The following CHCHD3 variants were observed in gnomAD, a reference collection of about 807,000 sequenced individuals.
The protein encoded by CHCHD3 is MICOS complex subunit MIC19.
Under a neutral mutation model 38.2 loss-of-function variants are expected in CHCHD3, and 20 were observed. That is an observed-to-expected ratio of 0.52 (90% confidence interval 0.37 to 0.76). The LOEUF is 0.76. Ranked by LOEUF, CHCHD3 falls within the 30% of genes least tolerant of loss-of-function variation. CHCHD3 has a pLI of 0.00. For missense variants in CHCHD3, 245 were observed against 279.2 expected, an observed-to-expected ratio of 0.88 and a Z score of 0.87; for synonymous variants, 82 against 100.0, an observed-to-expected ratio of 0.82 and a Z score of 1.07.
rs370231225 is a variant in CHCHD3 at position 132,844,317 on chromosome 7, GAGAA to G, written c.454-5852_454-5849del. Among the ~76,000 whole-genome samples, 895 of 152,246 alleles carry G rather than the reference GAGAA, an allele frequency of 5.9e-3. 8 individuals carry two copies. The highest frequency in any genetic ancestry group is 0.02 in the African/African-American group (845 of 41,542). ...GTCTCAAAAAAAACAAAAAAATGTGGAGAAAGAAAGATGTCCATGATCTTACAAG... is the reference window on the plus strand; with the variant it reads ...GTCTCAAAAAAAACAAAAAAATGTGGAGAAAGATGTCCATGATCTTACAAG... On this transcript the variant is annotated intron_variant, in intron 5 of 7. Coordinates refer to ENST00000262570, the MANE Select transcript of CHCHD3 (RefSeq NM_017812.4).
At chr7:132,963,360 T>A (rs571117970) in intron 4 of CHCHD3, among the ~76,000 whole-genome samples, 38 of 133,810 alleles carry the variant, frequency 2.8e-4, no homozygotes, top group African/African-American at 1.1e-3. Flanking sequence ...TGCCAGGCAC[T>A]GTGGCTCACG....
intron 6 of CHCHD3, among the ~76,000 whole-genome samples, chr7:132,811,299 G>C (rs1425072560): frequency 6.6e-6 from 1 of 152,192 alleles, no homozygotes; most frequent in Non-Finnish European, 1.5e-5. Context: ...CTCTAGAACA[G>C]TGCTATCCAA....
At chr7:132,973,120 C>G (rs1811652861) in intron 4 of CHCHD3, 1 of 985,014 alleles carries the variant, frequency 1.0e-6, no homozygotes, top group Non-Finnish European at 1.2e-6. Context: ...TCTTGCTGGT[C>G]TCCATAAACT....
chr7:132,798,851 T>C (rs755650620), intron 6 of CHCHD3, among the ~76,000 whole-genome samples: 1 of 152,164 alleles, frequency 6.6e-6, no homozygotes, highest in Non-Finnish European at 1.5e-5. Context: ...GTAGTTTAAG[T>C]TGTAGATAAG....
At chr7:132,992,030 G>A (rs969943494) in intron 3 of CHCHD3, among the ~76,000 whole-genome samples, 1 of 152,104 alleles carries the variant, frequency 6.6e-6, no homozygotes, top group African/African-American at 2.4e-5. Flanking sequence ...GGAGCTGGCG[G>A]GGAAGGCAAG....
chr7:132,786,711 C>T (rs1018094620), intron 7 of CHCHD3, among the ~76,000 whole-genome samples: 4 of 152,116 alleles, frequency 2.6e-5, no homozygotes, highest in Non-Finnish European at 2.9e-5. Context: ...CTACCAGGTA[C>T]CACTGCACTC....
chr7:132,980,567 G>T (rs1811891930), intron 3 of CHCHD3, among the ~76,000 whole-genome samples: 1 of 152,076 alleles, frequency 6.6e-6, no homozygotes, highest in African/African-American at 2.4e-5. Context: ...TAAGTAATTG[G>T]ATAGCTTGCC....
chr7:132,928,007 C>G (rs1415139925), intron 4 of CHCHD3, among the ~76,000 whole-genome samples: 1 of 152,086 alleles, frequency 6.6e-6, no homozygotes, highest in African/African-American at 2.4e-5. Context: ...CTTCTCTCAT[C>G]GAGGCACAGA....
intron 5 of CHCHD3, among the ~76,000 whole-genome samples, chr7:132,873,164 G>T (rs1448910857): frequency 6.6e-6 from 1 of 152,058 alleles, no homozygotes; most frequent in Non-Finnish European, 1.5e-5. Flanking sequence ...GACTGAAAGT[G>T]AAAATTTAAT....
At position 132,785,581 on chromosome 7, in the gene CHCHD3, A is replaced by T; in HGVS notation, c.*56T>A. 1 of 1,590,376 alleles carries T rather than the reference A, an allele frequency of 6.3e-7. No individual in the cohort carries two copies. Among genetic ancestry groups the T allele is most frequent in the Non-Finnish European group, 8.6e-7 (1 of 1,159,222 alleles). On this transcript the variant is annotated 3_prime_UTR_variant, in exon 8 of 8. Coordinates refer to ENST00000262570, the MANE Select transcript of CHCHD3 (RefSeq NM_017812.4). Reference sequence around the variant, plus strand: ...ATGGGTTGTTTTCTCACTAGGAAAAAAAATGTTCCATCTCTGGAATTAACG... The same window carrying T: ...ATGGGTTGTTTTCTCACTAGGAAAATAAATGTTCCATCTCTGGAATTAACG...
chr7:132,939,488 T>G (rs1810710956), intron 4 of CHCHD3, among the ~76,000 whole-genome samples: 1 of 152,206 alleles, frequency 6.6e-6, no homozygotes, highest in Admixed American at 6.5e-5. Flanking sequence ...TACACAGGTT[T>G]GTAGCCTAGG....
chr7:132,786,358 C>G (rs947243923), intron 7 of CHCHD3, among the ~76,000 whole-genome samples: 4 of 152,126 alleles, frequency 2.6e-5, no homozygotes, highest in African/African-American at 9.7e-5. Flanking sequence ...AGGGGGAGAA[C>G]GCAGATGTTC....
intron 5 of CHCHD3, among the ~76,000 whole-genome samples, chr7:132,880,634 A>G (rs1809026886): frequency 7.6e-6 from 1 of 130,920 alleles, no homozygotes; most frequent in East Asian, 2.2e-4. Context: ...TGGAACCTCA[A>G]AAACAAAAGA....
At chr7:133,030,002 T>C (rs957408003) in intron 2 of CHCHD3, among the ~76,000 whole-genome samples, 2 of 148,162 alleles carry the variant, frequency 1.3e-5, no homozygotes, top group African/African-American at 2.5e-5. Context: ...CCTACCTATT[T>C]CCAGAAAAGG....
intron 6 of CHCHD3, among the ~76,000 whole-genome samples, chr7:132,812,768 T>A (rs1807104490): frequency 2.0e-5 from 3 of 152,184 alleles, no homozygotes; most frequent in Non-Finnish European, 4.4e-5. Flanking sequence ...ACATCCAAAA[T>A]AGTGATTATG....
intron 4 of CHCHD3, among the ~76,000 whole-genome samples, chr7:132,966,133 T>C (rs971103415): frequency 2.0e-5 from 3 of 152,232 alleles, no homozygotes; most frequent in African/African-American, 7.2e-5. Flanking sequence ...TCTATTAAAA[T>C]GATGAATGGG....
chr7:133,038,330 A>T (rs190967412), intron 2 of CHCHD3, among the ~76,000 whole-genome samples: 2 of 152,344 alleles, frequency 1.3e-5, no homozygotes, highest in Admixed American at 1.3e-4. Context: ...AGCAGAATTT[A>T]CAGCACACAG....
intron 4 of CHCHD3, among the ~76,000 whole-genome samples, chr7:132,899,423 G>A (rs1455910469): frequency 2.6e-5 from 4 of 152,170 alleles, no homozygotes; most frequent in African/African-American, 9.7e-5. Flanking sequence ...CACCCTTTGA[G>A]GCAGGTTCTC....
At chr7:132,905,922 A>G (rs1398757321) in intron 4 of CHCHD3, among the ~76,000 whole-genome samples, 1 of 152,246 alleles carries the variant, frequency 6.6e-6, no homozygotes, top group African/African-American at 2.4e-5. Flanking sequence ...AGACAAATAT[A>G]TTAAGCATAA....
Sources: allele counts gnomAD v4.1 joint callset (sites outside exome capture counted in the v4.1 genomes callset), GRCh38; gene constraint gnomAD v4.1.1; transcripts MANE v1.5; gene names NCBI Gene and HGNC (gene_info 2026-07-23, HGNC 2026-07-21).